Variants in NYAP1 observed in about 807,000 individuals in gnomAD.
NYAP1 encodes the protein neuronal tyrosine-phosphorylated phosphoinositide-3-kinase adapter 1.
Under a neutral mutation model 58.6 loss-of-function variants are expected in NYAP1, and 20 were observed. The observed-to-expected ratio is 0.34, with a 90% CI of 0.24 to 0.50. The LOEUF (loss-of-function observed/expected upper bound fraction) is 0.50. NYAP1 is among the 20% of genes least tolerant of loss of function. NYAP1 has a pLI of 0.98. For missense variants in NYAP1, 1,150 were observed against 1,194.5 expected (o/e 0.96, Z 0.55); for synonymous variants, 572 against 523.1 (o/e 1.09, Z -1.27).
In NYAP1 at chr7:100,488,312, T is replaced by G. The variant is rs1799733731; in HGVS notation, c.591T>G (p.Thr197=). The change falls in exon 4 of 7, where the codon ACT becomes ACG. Residue 197 remains threonine (T), a synonymous_variant. Transcript: ENST00000300179. This position sits in a 1 kb window ranked among gnomAD's most constrained non-coding sequence, Gnocchi z 5.9. The part of the protein sequence containing the change: ...RGGNLPLQRL[T]RGSRVAGDPD... ...GGAACCTGCCTCTTCAGCGCCTCAC[T>G]AGGGGGTCCCGAGTAGCTGGGGACC... The G allele has an allele frequency of 6.2e-7, 1 of 1,612,310 alleles. No individual in the cohort carries two copies. Among genetic ancestry groups the G allele is most frequent in the African/African-American group, 1.3e-5 (1 of 74,864 alleles).
At position 100,490,783 on chromosome 7, in the gene NYAP1, G is replaced by A. The variant is rs1357079596; in HGVS notation, c.2158+54G>A. 7.7e-6 allele frequency: 11 copies of A among 1,428,428 alleles called. No homozygotes were observed. Among genetic ancestry groups the A allele is most frequent in the Admixed American group, 5.1e-5 (2 of 39,060 alleles). 88.5% of individuals were successfully genotyped at this position (1,428,428 alleles called of 1,614,324 possible). On this transcript the variant is annotated intron_variant, in intron 5 of 6. Transcript: ENST00000300179. This position sits in a 1 kb window ranked among gnomAD's most constrained non-coding sequence, Gnocchi z 4.6. The stretch of plus-strand genomic sequence containing the variant: ...AGCGGGGCTGGCTGGGGGATCTCCC[G>A]GGGTCTAGCTGCACCTGTCCTGACT...
In NYAP1 at chr7:100,485,975, CCTT is replaced by C. The variant is rs1313053643; in HGVS notation, c.68+599_68+601del. Among the ~76,000 whole-genome samples, 1 of 152,202 alleles carries C rather than the reference CCTT, an allele frequency of 6.6e-6. No homozygotes were observed. The highest frequency in any genetic ancestry group is 1.5e-5 in the Non-Finnish European group (1 of 68,026). On this transcript the variant is annotated intron_variant, in intron 2 of 6. Coordinates refer to ENST00000300179, the MANE Select transcript of NYAP1 (RefSeq NM_173564.4). This position sits in a 1 kb window ranked among gnomAD's most constrained non-coding sequence, Gnocchi z 5.7. ...GGCCTGGCCTCTCCCATCCTTCTCT[CCTT>C]CTCCTCTTCTCTCCCATTGACTTCA...
chr7:100,490,655 A>G lies in NYAP1; in HGVS notation c.2084A>G (p.His695Arg). ...GAGGGACTGCTGGCCAGGATCCACCATGGAGACCGAGGAGGGAGCCGCACC... is the reference window on the plus strand; with the variant it reads ...GAGGGACTGCTGGCCAGGATCCACCGTGGAGACCGAGGAGGGAGCCGCACC... ...GAEGLLARIH[H>R]GDRGGSRTAL... The change falls in exon 5 of 7, where the codon CAT (histidine) becomes CGT (arginine). Residue 695 changes from histidine (H) to arginine (R), a missense_variant. Physicochemically the swap from His to Arg is conservative, Grantham distance 29 (BLOSUM62 0). Coordinates refer to ENST00000300179, the MANE Select transcript of NYAP1 (RefSeq NM_173564.4). This position sits in a 1 kb window ranked among gnomAD's most constrained non-coding sequence, Gnocchi z 4.6. 1 of 1,566,434 alleles carries G rather than the reference A, an allele frequency of 6.4e-7. No homozygotes were observed. The highest frequency in any genetic ancestry group is 1.2e-5 in the South Asian group (1 of 85,028).
rs755139687 is a variant in NYAP1, at chr7:100,487,012, C to T, written c.260C>T (p.Ser87Leu). Reference protein sequence around the residue: ...AMAPRSLSCHSVGSMDSVGGG... With the variant: ...AMAPRSLSCHLVGSMDSVGGG... ...GCCCCACGCTCCCTCTCCTGCCACT[C>T]GGTGGGCAGCATGGACAGTGTCGGG... Residue 87 changes from serine (S) to leucine (L), a missense_variant, in exon 3 of 7, where the codon TCG becomes TTG. Ser to Leu is a moderately radical substitution (Grantham distance 145, BLOSUM62 -2). Coordinates refer to ENST00000300179, the MANE Select transcript of NYAP1 (RefSeq NM_173564.4). This position sits in a 1 kb window ranked among gnomAD's most constrained non-coding sequence, Gnocchi z 4.1. The T allele has an allele frequency of 3.1e-6, 5 of 1,609,244 alleles. No individual in the cohort carries two copies. The highest frequency in any genetic ancestry group is 1.7e-5 in the Admixed American group (1 of 59,592).
In NYAP1 at chr7:100,485,903, C is replaced by A. The variant is rs543963307; in HGVS notation, c.68+524C>A. On this transcript the variant is annotated intron_variant, in intron 2 of 6. Transcript: ENST00000300179. The surrounding 1 kb of genome is among the most constrained non-coding windows in gnomAD (Gnocchi z 5.7). Reference sequence around the variant, plus strand: ...CCAGGGCAGGGGACGACCTCCAGACCCCTGCAATCCCTGTCTGCCTCCCCG... The same window carrying A: ...CCAGGGCAGGGGACGACCTCCAGACACCTGCAATCCCTGTCTGCCTCCCCG... Among the ~76,000 whole-genome samples, 2 of 152,184 alleles carry A rather than the reference C, an allele frequency of 1.3e-5. No individual in the cohort carries two copies. The highest frequency in any genetic ancestry group is 4.1e-4 in the South Asian group (2 of 4,826).
At position 100,485,323 on chromosome 7, in the gene NYAP1, C is replaced by T. The variant is rs749970824; in HGVS notation, c.12C>T (p.Leu4=). The T allele has an allele frequency of 6.3e-7, 1 of 1,599,198 alleles. No homozygotes were observed. Among genetic ancestry groups the T allele is most frequent in the Non-Finnish European group, 8.5e-7 (1 of 1,172,060 alleles). ...TCCTGCCCCACGAGATGAACCTCCT[C>T]TACCGAAAAACCAAGCTGGAGTGGA... MNL[L]YRKTKLEWRQ... Residue 4 remains leucine (L), a synonymous_variant, in exon 2 of 7, where the codon CTC becomes CTT. Transcript: ENST00000300179. This position sits in a 1 kb window ranked among gnomAD's most constrained non-coding sequence, Gnocchi z 5.7.
At position 100,488,674 on chromosome 7, in the gene NYAP1, C is replaced by T. The variant is rs1799741725; in HGVS notation, c.953C>T (p.Thr318Ile). ...CGGAGGGACGGGACGCCCACCAAGACCACTCCTTGTGAAATCCCCCCGCCC... is the reference window on the plus strand; with the variant it reads ...CGGAGGGACGGGACGCCCACCAAGATCACTCCTTGTGAAATCCCCCCGCCC... ...PSRRDGTPTK[T>I]TPCEIPPPFP... The change falls in exon 4 of 7, where the codon ACC becomes ATC. Residue 318 changes from threonine to isoleucine, a missense_variant. Thr to Ile is a moderately conservative substitution (Grantham distance 89, BLOSUM62 -1). Coordinates refer to ENST00000300179, the MANE Select transcript of NYAP1 (RefSeq NM_173564.4). The surrounding 1 kb of genome is among the most constrained non-coding windows in gnomAD (Gnocchi z 5.9). 1.2e-6 allele frequency: 2 copies of T among 1,611,756 alleles called. No homozygotes were observed. Among genetic ancestry groups the T allele is most frequent in the Non-Finnish European group, 1.7e-6 (2 of 1,179,558 alleles).
Position 100,486,197 on chromosome 7 carries a change from C to T in NYAP1, c.69-624C>T, listed in dbSNP as rs755012110. Among the ~76,000 whole-genome samples, 15 of 152,248 alleles carry T rather than the reference C, an allele frequency of 9.9e-5. No homozygotes were observed. The highest frequency in any genetic ancestry group is 8.3e-4 in the South Asian group (4 of 4,818). ...CTCTCTTCCCTGCCAGCCGCCCCCC[C>T]AACCCTCTGCCACCCTCCACTCAGA... On this transcript the variant is annotated intron_variant, in intron 2 of 6. Transcript: ENST00000300179. The surrounding 1 kb of genome is among the most constrained non-coding windows in gnomAD (Gnocchi z 6.2).
rs200062319 is a variant in NYAP1 at position 100,488,146 on chromosome 7, G to A, written c.431-6G>A. The A allele has an allele frequency of 6.3e-7, 1 of 1,579,922 alleles. No homozygotes were observed. The highest frequency in any genetic ancestry group is 8.6e-7 in the Non-Finnish European group (1 of 1,166,308). On this transcript the variant is annotated splice_region_variant and splice_polypyrimidine_tract_variant and intron_variant, in intron 3 of 6. Coordinates refer to ENST00000300179, the MANE Select transcript of NYAP1 (RefSeq NM_173564.4). This position sits in a 1 kb window ranked among gnomAD's most constrained non-coding sequence, Gnocchi z 5.9. ...GGTTTATTTTTCTCTTTCTTGTCCT[G>A]TCCAGGCTCACAGAAGCCAACCCCA...
Position 100,493,876 on chromosome 7 carries a change from C to T in NYAP1, c.2499C>T (p.His833=). ...GCACCCCGCCCTGCCGCCGGCAGCA[C>T]ACGGTCCTCTGGGACACCGCCATCT... ...KSGTPPCRRQ[H]TVLWDTAI is the part of the protein sequence containing the mutation. Residue 833 remains histidine, a synonymous_variant, in exon 7 of 7, where the codon CAC becomes CAT. Coordinates refer to ENST00000300179, the MANE Select transcript of NYAP1 (RefSeq NM_173564.4). The T allele has an allele frequency of 1.3e-6, 2 of 1,513,174 alleles. No homozygotes were observed. The highest frequency in any genetic ancestry group is 1.8e-6 in the Non-Finnish European group (2 of 1,134,416). The allele number at this position is 1,513,174 out of a possible 1,614,324, so 93.7% of individuals were successfully genotyped here. A position where few individuals can be genotyped will look rare whatever the true frequency, so the allele number is the denominator to read the frequency against.
In NYAP1 at chr7:100,493,650, AC is replaced by A; in HGVS notation, c.2277del (p.Ala760ArgfsTer23). ...TCTCCCCCGCCCGCGGCACAGCCCC[AC>A]CCCGCGCTGCCGCTGCCTCTGCCCC... ...SQPRDALSQP[H>X]PALPLPLPLP... On this transcript the variant is annotated frameshift_variant, in exon 7 of 7. Coordinates refer to ENST00000300179, the MANE Select transcript of NYAP1 (RefSeq NM_173564.4). LOFTEE classifies it high-confidence loss of function. 1 of 1,574,256 alleles carries A rather than the reference AC, an allele frequency of 6.4e-7. No homozygotes were observed. The highest frequency in any genetic ancestry group is 8.6e-7 in the Non-Finnish European group (1 of 1,166,776).
chr7:100,489,788 G>T, intron 4 of NYAP1, 122 bp downstream of exon 4: 3 of 740,996 alleles, frequency 4.0e-6, no homozygotes, highest in African/African-American at 1.8e-5. Context: ...AGTCTGGGAT[G>T]TTTTCTAGGA....
Position 100,485,118 on chromosome 7 carries a change from TCTGAGGACCC to T in NYAP1, c.-84-109_-84-100del. The stretch of plus-strand genomic sequence containing the variant: ...TGGGTTTTCTGTCTGTGTTTTCCTC[TCTGAGGACCC>T]GAGTCATGTCTCTTCTCCGTTTTCT... On this transcript the variant is annotated intron_variant, in intron 1 of 6. Transcript: ENST00000300179. This position sits in a 1 kb window ranked among gnomAD's most constrained non-coding sequence, Gnocchi z 5.7. 1 of 589,038 alleles carries T rather than the reference TCTGAGGACCC, an allele frequency of 1.7e-6. No homozygotes were observed. Among genetic ancestry groups the T allele is most frequent in the Non-Finnish European group, 3.0e-6 (1 of 328,340 alleles). The allele number at this position is 589,038 out of a possible 1,614,324, so 36.5% of individuals were successfully genotyped here.
chr7:100,489,070 C>T lies in NYAP1; in HGVS notation c.1349C>T (p.Pro450Leu), dbSNP rs1331286589. 16 of 1,546,246 alleles carry T rather than the reference C, an allele frequency of 1.0e-5. No homozygotes were observed. The highest frequency in any genetic ancestry group is 1.2e-5 in the Non-Finnish European group (14 of 1,146,736). ...AAPPAPAALL[P>L]GPPKDKAVSY... ...CCCCCTGCCCCGGCCGCCTTGCTCC[C>T]CGGCCCCCCCAAGGACAAGGCCGTG... The change falls in exon 4 of 7, where the codon CCC becomes CTC. Residue 450 changes from proline to leucine, a missense_variant. Pro to Leu is a moderately conservative substitution (Grantham distance 98, BLOSUM62 -3). Transcript: ENST00000300179.
At position 100,487,295 on chromosome 7, in the gene NYAP1, A is replaced by G; in HGVS notation, c.430+113A>G. 8.5e-7 allele frequency: 1 copy of G among 1,175,414 alleles called. No homozygotes were observed. Among genetic ancestry groups the G allele is most frequent in the Non-Finnish European group, 1.1e-6 (1 of 880,254 alleles). The allele number at this position is 1,175,414 out of a possible 1,614,324, so 72.8% of individuals were successfully genotyped here. ...TTCAGGGAAGAACCAAGGAAGTGGA[A>G]GATTCCATTCTCAAAAGGAATTGGG... On this transcript the variant is annotated intron_variant, in intron 3 of 6. Transcript: ENST00000300179. The surrounding 1 kb of genome is among the most constrained non-coding windows in gnomAD (Gnocchi z 4.1).
At position 100,489,572 on chromosome 7, in the gene NYAP1, G is replaced by A; in HGVS notation, c.1851G>A (p.Glu617=). 1.9e-6 allele frequency: 3 copies of A among 1,613,332 alleles called. No individual in the cohort carries two copies. Among genetic ancestry groups the A allele is most frequent in the Non-Finnish European group, 1.7e-6 (2 of 1,179,966 alleles). Residue 617 remains glutamate (E), a synonymous_variant, in exon 4 of 7, where the codon GAG becomes GAA. Transcript: ENST00000300179. ...HVIASAGTPE[E]EEEEVGAATF... is the part of the protein sequence containing the mutation. ...TCGCCAGCGCAGGGACACCAGAGGA[G>A]GAAGAAGAGGAGGTGGGCGCCGCGA... is the stretch of plus-strand genomic sequence containing the variant.
Position 100,490,385 on chromosome 7 carries a change from C to A in NYAP1, c.1946-132C>A. 2 of 773,434 alleles carry A rather than the reference C, an allele frequency of 2.6e-6. No homozygotes were observed. Among genetic ancestry groups the A allele is most frequent in the Non-Finnish European group, 2.2e-6 (1 of 452,198 alleles). 47.9% of individuals were successfully genotyped at this position (773,434 alleles called of 1,614,324 possible). On this transcript the variant is annotated intron_variant, in intron 4 of 6. Coordinates refer to ENST00000300179, the MANE Select transcript of NYAP1 (RefSeq NM_173564.4). The surrounding 1 kb of genome is among the most constrained non-coding windows in gnomAD (Gnocchi z 4.6). Reference sequence around the variant, plus strand: ...GTATGTTGGGGGAGTGTGAAGGAGCCCCATCCCAGCCGTTACTTGCAAAAG... The same window carrying A: ...GTATGTTGGGGGAGTGTGAAGGAGCACCATCCCAGCCGTTACTTGCAAAAG...
In NYAP1 at chr7:100,486,633, T is replaced by C. The variant is rs1012823478; in HGVS notation, c.69-188T>C. ...CCCTGCCCCCAACTGCCTTGTGTTT[T>C]TAAAGCCCAAGATTCTGCCTGAAGC... On this transcript the variant is annotated intron_variant, in intron 2 of 6. Coordinates refer to ENST00000300179, the MANE Select transcript of NYAP1 (RefSeq NM_173564.4). The surrounding 1 kb of genome is among the most constrained non-coding windows in gnomAD (Gnocchi z 6.2). Among the ~76,000 whole-genome samples, 7 of 152,130 alleles carry C rather than the reference T, an allele frequency of 4.6e-5. No individual in the cohort carries two copies. The highest frequency in any genetic ancestry group is 1.7e-4 in the African/African-American group (7 of 41,434).
At position 100,491,017 on chromosome 7, in the gene NYAP1, C is replaced by A. The variant is rs2897358; in HGVS notation, c.2190C>A (p.Ser730=). Residue 730 remains serine (S), a synonymous_variant, in exon 6 of 7, where the codon TCC becomes TCA. Coordinates refer to ENST00000300179, the MANE Select transcript of NYAP1 (RefSeq NM_173564.4). ...CGGGAGGCTACCGCCTGGGGCGCTC[C>A]GCCTCCACCTCCGGAGTCCGGCAGG... ...DFTGGYRLGR[S]ASTSGVRQVV... The A allele has an allele frequency of 1.4e-5, 22 of 1,556,040 alleles. No homozygotes were observed. Among genetic ancestry groups the A allele is most frequent in the African/African-American group, 9.5e-5 (7 of 73,334 alleles).
Sources: allele counts gnomAD v4.1 joint callset (sites outside exome capture counted in the v4.1 genomes callset), GRCh38; gene constraint gnomAD v4.1.1; non-coding constraint Gnocchi (gnomAD v3.1); transcripts MANE v1.5; gene names NCBI Gene and HGNC (gene_info 2026-07-23, HGNC 2026-07-21).